Variants in KAT8 observed in about 807,000 individuals in gnomAD.
The protein encoded by KAT8 is lysine acetyltransferase 8.
KAT8 carries 40 observed loss-of-function variants against 62.9 expected under a neutral mutation model. The observed-to-expected ratio is 0.64, with a 90% CI of 0.49 to 0.83. KAT8 has a LOEUF of 0.83. Among genes scored for constraint, KAT8 ranks in the 40% least tolerant of loss-of-function variants. The probability of loss-of-function intolerance (pLI) is 0.00; values close to 1 mark genes in which losing one functional copy is unlikely to be tolerated. For missense variants in KAT8, 387 were observed against 614.8 expected (o/e 0.63, Z 3.92); for synonymous variants, 278 against 254.5 (o/e 1.09, Z -0.88).
In KAT8 at chr16:31,130,444, T is replaced by C. The variant is rs368758890; in HGVS notation, c.1007-12T>C. 2.5e-6 allele frequency: 4 copies of C among 1,614,032 alleles called. No individual in the cohort carries two copies. The highest frequency in any genetic ancestry group is 3.4e-6 in the Non-Finnish European group (4 of 1,179,978). ...AGGCTGGATCCTAAGTTCCTCTTTC[T>C]ACTGCTGCCAGGTTATGAGCTCTCC... On this transcript the variant is annotated splice_polypyrimidine_tract_variant and intron_variant, in intron 8 of 10. Transcript: ENST00000219797.
intron 3 of KAT8, among the ~76,000 whole-genome samples, chr16:31,124,488 A>C (rs966390695): frequency 2.0e-5 from 3 of 152,152 alleles, no homozygotes; most frequent in Non-Finnish European, 2.9e-5. Flanking sequence ...CTAAAAATAC[A>C]AAAAGAGGCC....
At chr16:31,123,217 T>A (rs192763393) in intron 3 of KAT8, among the ~76,000 whole-genome samples, 192 of 152,176 alleles carry the variant, frequency 1.3e-3, no homozygotes, top group East Asian at 5.6e-3. Context: ...TTTAAAAAAA[T>A]TTTATTTTTA....
At chr16:31,126,509 C>G (rs1437734518) in intron 3 of KAT8, 2 of 162,746 alleles carry the variant, frequency 1.2e-5, no homozygotes, top group African/African-American at 4.8e-5. Context: ...AATGAGCAAC[C>G]CAGGAGGAGG....
At chr16:31,126,849 G>GC (rs1596823379) in intron 3 of KAT8, 186 bp from the exon 4 acceptor site, 1 of 574,710 alleles carries the variant, frequency 1.7e-6, no homozygotes, top group Non-Finnish European at 3.0e-6. Flanking sequence ...GGGCGGGTGG[G>GC]TGTGAGAGGA....
At chr16:31,128,174 G>T (rs761035921) in intron 6 of KAT8, 35 bp downstream of exon 6, 7 of 1,535,668 alleles carry the variant, frequency 4.6e-6, no homozygotes, top group Non-Finnish European at 6.3e-6. Flanking sequence ...AGAGGCCGGG[G>T]AGGCCCTGGG....
intron 3 of KAT8, among the ~76,000 whole-genome samples, chr16:31,123,351 G>A (rs1234319418): frequency 1.3e-5 from 2 of 150,814 alleles, no homozygotes; most frequent in African/African-American, 4.9e-5. Flanking sequence ...CAAGTAGCTG[G>A]GACTACAGGC....
chr16:31,119,269 C>T (rs1430124385), intron 1 of KAT8, among the ~76,000 whole-genome samples: 1 of 152,098 alleles, frequency 6.6e-6, no homozygotes, highest in Non-Finnish European at 1.5e-5. Flanking sequence ...CCTGCCTCAA[C>T]CTCCTGAGTA....
chr16:31,130,574 C>A lies in KAT8; in HGVS notation c.1125C>A (p.Asp375Glu). The A allele has an allele frequency of 1.9e-6, 3 of 1,614,182 alleles. No homozygotes were observed. Among genetic ancestry groups the A allele is most frequent in the Non-Finnish European group, 2.5e-6 (3 of 1,180,002 alleles). The change falls in exon 9 of 11, where the codon GAC becomes GAA. Residue 375 changes from aspartate to glutamate, a missense_variant. Around this residue, in one of 6 missense-constraint regions of KAT8, gnomAD observed 75 missense variants for 105.7 expected, o/e 0.71. Transcript: ENST00000219797. Reference protein sequence around the residue: ...WSWVLLEILRDFRGTLSIKDL... With the variant: ...WSWVLLEILREFRGTLSIKDL... ...GGGTGCTGCTAGAGATCCTGCGGGA[C>A]TTCCGGGGCACACTGTCCATCAAGG...
At chr16:31,124,751 A>AT (rs2057521752) in intron 3 of KAT8, among the ~76,000 whole-genome samples, 1 of 145,158 alleles carries the variant, frequency 6.9e-6, no homozygotes, top group East Asian at 2.0e-4. Flanking sequence ...AAAAAAAAAA[A>AT]GGCTATGGCT....
chr16:31,123,668 A>G (rs981893620), intron 3 of KAT8: 3 of 152,276 alleles, frequency 2.0e-5, no homozygotes, highest in African/African-American at 4.8e-5. Flanking sequence ...CACCACACCC[A>G]GCTATTTTTT....
chr16:31,128,269 C>T (rs766223670), intron 6 of KAT8, 130 bp downstream of exon 6: 47 of 704,826 alleles, frequency 6.7e-5, no homozygotes, highest in Admixed American at 1.1e-4. Context: ...TCTGAGGGGC[C>T]GGGCACTGCA....
intron 3 of KAT8, 75 bp from the exon 4 acceptor site, chr16:31,126,960 T>G: frequency 6.6e-7 from 1 of 1,519,128 alleles, no homozygotes; most frequent in Non-Finnish European, 9.1e-7. Flanking sequence ...CAGGGAAGCC[T>G]TGTGGGTCCT....
At chr16:31,120,103 C>T in intron 1 of KAT8, 83 bp from the exon 2 acceptor site, 2 of 1,157,280 alleles carry the variant, frequency 1.7e-6, no homozygotes, top group Non-Finnish European at 2.6e-6. Flanking sequence ...TGGCCCTGAA[C>T]TCTGGAAACT....
rs529454001 is a variant in KAT8 at position 31,124,359 on chromosome 16, C to T, written c.463-2676C>T. ...TGTGAGGAACAAAATGAAATAATGT[C>T]GGCTGGGTGCAGTGGCTCATGCCTG... On this transcript the variant is annotated intron_variant, in intron 3 of 10. Coordinates refer to ENST00000219797, the MANE Select transcript of KAT8 (RefSeq NM_032188.3). Among the ~76,000 whole-genome samples the T allele has an allele frequency of 1.6e-3, 241 of 152,276 alleles. 1 individual carries two copies. Among genetic ancestry groups the T allele is most frequent in the Admixed American group, 3.7e-3 (57 of 15,286 alleles).
At chr16:31,121,589 T>A (rs2057493839) in intron 3 of KAT8, among the ~76,000 whole-genome samples, 1 of 152,062 alleles carries the variant, frequency 6.6e-6, no homozygotes, top group Non-Finnish European at 1.5e-5. Flanking sequence ...TTGGTTTTTT[T>A]CTTAAGAGAC....
At position 31,117,785 on chromosome 16, in the gene KAT8, C is replaced by T. The variant is rs1289145137; in HGVS notation, c.104C>T (p.Ala35Val). ...PGENAAAEGTAPSPGRVSPPT... is the reference protein window; with the variant it reads ...PGENAAAEGTVPSPGRVSPPT... ...GAGAATGCGGCCGCTGAGGGGACCG[C>T]CCCATCCCCGGGCCGCGTCTCTCCG... is the stretch of plus-strand genomic sequence containing the variant. The change falls in exon 1 of 11, where the codon GCC (alanine) becomes GTC (valine). Residue 35 changes from alanine to valine, a missense_variant. By Grantham distance (64) the Ala-to-Val change is moderately conservative. Coordinates refer to ENST00000219797, the MANE Select transcript of KAT8 (RefSeq NM_032188.3). 2.8e-6 allele frequency: 4 copies of T among 1,408,664 alleles called. No individual in the cohort carries two copies. Among genetic ancestry groups the T allele is most frequent in the African/African-American group, 1.5e-5 (1 of 66,516 alleles). 87.3% of individuals were successfully genotyped at this position (1,408,664 alleles called of 1,614,324 possible). A position where few individuals can be genotyped will look rare whatever the true frequency, so the allele number is the denominator to read the frequency against.
intron 1 of KAT8, 63 bp downstream of exon 1, chr16:31,117,955 C>A: frequency 8.4e-7 from 1 of 1,196,724 alleles, no homozygotes; most frequent in African/African-American, 1.6e-5. Flanking sequence ...GGGGCGGGGC[C>A]TGAGGACAGG....
intron 1 of KAT8, among the ~76,000 whole-genome samples, chr16:31,118,987 G>A (rs559363633): frequency 6.7e-6 from 1 of 150,290 alleles, no homozygotes; most frequent in African/African-American, 2.4e-5. Flanking sequence ...AGGCTCAAGT[G>A]ATCCTCCCAC....
At chr16:31,128,449 G>A (rs2057549351) in intron 6 of KAT8, among the ~76,000 whole-genome samples, 1 of 152,140 alleles carries the variant, frequency 6.6e-6, no homozygotes, top group Admixed American at 6.5e-5. Context: ...GGAGGCTGAG[G>A]CACAAGAATT....
Sources: gnomAD v4.1 joint callset for allele counts (sites outside exome capture counted in the v4.1 genomes callset) on GRCh38, gnomAD v4.1.1 for gene constraint, gnomAD v4.1.1 regional missense constraint, MANE v1.5 for transcripts, NCBI Gene and HGNC (gene_info 2026-07-23, HGNC 2026-07-21) for gene names.